The following OVOL2 variants were observed in gnomAD, a reference collection of about 807,000 sequenced individuals.
The protein encoded by OVOL2 is transcription factor Ovo-like 2.
Under a neutral mutation model 18.1 loss-of-function variants are expected in OVOL2, and 13 were observed. That is an observed-to-expected ratio of 0.72 (90% CI 0.47 to 1.14). The LOEUF (loss-of-function observed/expected upper bound fraction) is 1.14, where lower values mean the gene tolerates loss of function less well. Ranked by LOEUF, OVOL2 falls within the 50% of genes most tolerant of loss-of-function variation. The pLI is 0.00. For synonymous variants in OVOL2, 166 were observed against 162.7 expected (o/e 1.02, Z -0.16); for missense variants, 335 against 383.0 (o/e 0.87, Z 1.05).
chr20:18,033,257 C>T (rs575543172), intron 3 of OVOL2, among the ~76,000 whole-genome samples: 5 of 152,218 alleles, frequency 3.3e-5, no homozygotes, highest in Non-Finnish European at 7.3e-5. Context: ...GGACAGAAGG[C>T]GCCCTAGAGG....
chr20:18,024,349 G>T lies in OVOL2; in HGVS notation c.*287C>A. 2.8e-6 allele frequency: 1 copy of T among 362,266 alleles called. No homozygotes were observed. Among genetic ancestry groups the T allele is most frequent in the African/African-American group, 2.0e-5 (1 of 48,998 alleles). 22.4% of individuals were successfully genotyped at this position (362,266 alleles called of 1,614,324 possible). A position where few individuals can be genotyped will look rare whatever the true frequency, so the allele number is the denominator to read the frequency against. On this transcript the variant is annotated 3_prime_UTR_variant, in exon 4 of 4. Transcript: ENST00000278780. ...TCTCCTTCCGTGTGTGAAAATCCTT[G>T]GGGGAAAAAAAAATCCCACACGGTG...
In OVOL2 at chr20:18,057,800, G is replaced by A; in HGVS notation, c.-166C>T. 1 of 1,372,380 alleles carries A rather than the reference G, an allele frequency of 7.3e-7. No individual in the cohort carries two copies. The highest frequency in any genetic ancestry group is 9.3e-7 in the Non-Finnish European group (1 of 1,070,146). The allele number at this position is 1,372,380 out of a possible 1,614,324, so 85.0% of individuals were successfully genotyped here. A position where few individuals can be genotyped will look rare whatever the true frequency, so the allele number is the denominator to read the frequency against. On this transcript the variant is annotated 5_prime_UTR_variant, in exon 1 of 4. Transcript: ENST00000278780. This position sits in a 1 kb window ranked among gnomAD's most constrained non-coding sequence, Gnocchi z 6.3. The stretch of plus-strand genomic sequence containing the variant: ...GCGGCGCGGCCCAGGCCTCTCCCCC[G>A]CACGCCTGGCGACTCCCAGCCTCCC...
Position 18,037,922 on chromosome 20 carries a change from C to T in OVOL2, c.511+3612G>A, listed in dbSNP as rs530000630. Among the ~76,000 whole-genome samples the T allele has an allele frequency of 1.8e-3, 275 of 149,050 alleles. 3 individuals are homozygous for T. Among genetic ancestry groups the T allele is most frequent in the African/African-American group, 6.2e-3 (251 of 40,274 alleles). On this transcript the variant is annotated intron_variant, in intron 3 of 3. Transcript: ENST00000278780. ...TGCTCACATCCAAATCCTTGTGTCGCGTCTGCTTCTTGGGCAACCCAAACT... is the reference window on the plus strand; with the variant it reads ...TGCTCACATCCAAATCCTTGTGTCGTGTCTGCTTCTTGGGCAACCCAAACT...
intron 2 of OVOL2, among the ~76,000 whole-genome samples, chr20:18,047,869 A>AG (rs1437343606): frequency 2.0e-5 from 3 of 151,212 alleles, no homozygotes; most frequent in Admixed American, 2.0e-4. Flanking sequence ...AAAAAAAAAA[A>AG]AAAAAAAAGA....
Position 18,057,746 on chromosome 20 carries a change from T to C in OVOL2, c.-112A>G. 5.6e-6 allele frequency: 8 copies of C among 1,427,760 alleles called. No homozygotes were observed. Among genetic ancestry groups the C allele is most frequent in the Non-Finnish European group, 7.3e-6 (8 of 1,097,218 alleles). The allele number at this position is 1,427,760 out of a possible 1,614,324, so 88.4% of individuals were successfully genotyped here. A position where few individuals can be genotyped will look rare whatever the true frequency, so the allele number is the denominator to read the frequency against. Reference sequence around the variant, plus strand: ...GGCGGCCAGAGCCCACCTTCCCGCCTCGCCTGCCCTCTTCCTCCACCCCCC... The same window carrying C: ...GGCGGCCAGAGCCCACCTTCCCGCCCCGCCTGCCCTCTTCCTCCACCCCCC... On this transcript the variant is annotated 5_prime_UTR_variant, in exon 1 of 4. Coordinates refer to ENST00000278780, the MANE Select transcript of OVOL2 (RefSeq NM_021220.4). The surrounding 1 kb of genome is among the most constrained non-coding windows in gnomAD (Gnocchi z 6.3).
intron 3 of OVOL2, among the ~76,000 whole-genome samples, chr20:18,040,988 C>T (rs539550651): frequency 6.6e-6 from 1 of 152,250 alleles, no homozygotes; most frequent in Admixed American, 6.5e-5. Flanking sequence ...TACTTCCAGC[C>T]AGGGATCCGT....
chr20:18,045,604 C>T (rs62207129), intron 2 of OVOL2, among the ~76,000 whole-genome samples: 5,495 of 152,236 alleles, frequency 0.036, 137 homozygotes, highest in Middle Eastern at 0.095. Context: ...GCCAGTAGAT[C>T]ATCTGATCAA....
At chr20:18,053,667 C>T (rs8118333) in intron 2 of OVOL2, among the ~76,000 whole-genome samples, 24 of 149,344 alleles carry the variant, frequency 1.6e-4, no homozygotes, top group African/African-American at 6.0e-4. Flanking sequence ...CGCAACTGTA[C>T]TCCAGCTCCA....
chr20:18,032,686 T>A (rs2036582634), intron 3 of OVOL2, among the ~76,000 whole-genome samples: 2 of 151,920 alleles, frequency 1.3e-5, no homozygotes, highest in African/African-American at 2.4e-5. Flanking sequence ...TTTGTGTTTT[T>A]AGTAGAGACA....
intron 3 of OVOL2, among the ~76,000 whole-genome samples, chr20:18,038,187 G>A (rs1258023704): frequency 2.0e-5 from 3 of 151,284 alleles, no homozygotes; most frequent in Non-Finnish European, 2.9e-5. Context: ...TATGTTGGCT[G>A]AGAGCTCCAT....
intron 3 of OVOL2, among the ~76,000 whole-genome samples, chr20:18,030,087 C>T (rs2036554680): frequency 6.6e-6 from 1 of 152,174 alleles, no homozygotes; most frequent in Non-Finnish European, 1.5e-5. Flanking sequence ...TCTGTTGGTT[C>T]CAGGAAAGAA....
At chr20:18,031,361 A>G (rs1407156406) in intron 3 of OVOL2, among the ~76,000 whole-genome samples, 1 of 152,140 alleles carries the variant, frequency 6.6e-6, no homozygotes, top group Non-Finnish European at 1.5e-5. Flanking sequence ...CTCATTCGTA[A>G]GCTGGCTGCT....
intron 2 of OVOL2, among the ~76,000 whole-genome samples, chr20:18,053,517 A>G (rs1053059621): frequency 1.3e-5 from 2 of 152,234 alleles, no homozygotes; most frequent in Non-Finnish European, 2.9e-5. Flanking sequence ...CCTGGACAAC[A>G]TGGCGAAACT....
rs754009645 is a variant in OVOL2, at chr20:18,041,519, G to T, written c.511+15C>A. ...AATAACAAAACAGAGAACAAAGCAC[G>T]CACTCCCCGCTCACCTGTGTGTGTG... On this transcript the variant is annotated intron_variant, in intron 3 of 3. Coordinates refer to ENST00000278780, the MANE Select transcript of OVOL2 (RefSeq NM_021220.4). The T allele has an allele frequency of 6.3e-7, 1 of 1,599,302 alleles. No individual in the cohort carries two copies. The highest frequency in any genetic ancestry group is 1.7e-4 in the Middle Eastern group (1 of 6,008).
rs565673400 is a variant in OVOL2 at position 18,030,407 on chromosome 20, A to C, written c.512-5455T>G. On this transcript the variant is annotated intron_variant, in intron 3 of 3. Coordinates refer to ENST00000278780, the MANE Select transcript of OVOL2 (RefSeq NM_021220.4). ...AAACTAAAAATATGGGGAAGCTGGCACACTTAACATCAGGCTTTAACCTGG... is the reference window on the plus strand; with the variant it reads ...AAACTAAAAATATGGGGAAGCTGGCCCACTTAACATCAGGCTTTAACCTGG... Among the ~76,000 whole-genome samples, 17 of 152,346 alleles carry C rather than the reference A, an allele frequency of 1.1e-4. No homozygotes were observed. In the South Asian group the frequency reaches 1.9e-3, roughly 17 times the overall value.
chr20:18,046,992 A>C (rs376258767), intron 2 of OVOL2, among the ~76,000 whole-genome samples: 21 of 151,996 alleles, frequency 1.4e-4, no homozygotes, highest in African/African-American at 4.8e-4. Flanking sequence ...ATGGAATGTC[A>C]TTTAACATCC....
chr20:18,031,974 G>A (rs1167780296), intron 3 of OVOL2, among the ~76,000 whole-genome samples: 2 of 152,068 alleles, frequency 1.3e-5, no homozygotes, highest in Admixed American at 6.6e-5. Context: ...TTATCCGAAG[G>A]TGAACTTCAG....
At chr20:18,033,092 C>T (rs6075277) in intron 3 of OVOL2, among the ~76,000 whole-genome samples, 3,587 of 152,332 alleles carry the variant, frequency 0.024, 54 homozygotes, top group Non-Finnish European at 0.034. Flanking sequence ...CTCCATCTGG[C>T]CCACTCCAAA....
chr20:18,039,837 G>A (rs1156228520), intron 3 of OVOL2, among the ~76,000 whole-genome samples: 1 of 152,114 alleles, frequency 6.6e-6, no homozygotes, highest in Non-Finnish European at 1.5e-5. Flanking sequence ...GAGTAGCTGG[G>A]AGCCCCATCT....
Sources: gnomAD v4.1 joint callset for allele counts (sites outside exome capture counted in the v4.1 genomes callset) on GRCh38, gnomAD v4.1.1 for gene constraint, Gnocchi (gnomAD v3.1) non-coding constraint, MANE v1.5 for transcripts, NCBI Gene and HGNC (gene_info 2026-07-23, HGNC 2026-07-21) for gene names.